Variants in B3GALT1 observed in about 807,000 individuals in gnomAD.
B3GALT1 encodes the protein beta-1,3-galactosyltransferase 1.
B3GALT1 carries 10 observed loss-of-function variants against 23.2 expected under a neutral mutation model. The observed-to-expected ratio is 0.43, with a 90% CI of 0.27 to 0.73. The LOEUF (loss-of-function observed/expected upper bound fraction) is 0.73, where lower values mean the gene tolerates loss of function less well. B3GALT1 is among the 30% of genes least tolerant of loss of function. B3GALT1 has a pLI of 0.21. For synonymous variants in B3GALT1, 156 were observed against 141.5 expected, an observed-to-expected ratio of 1.10 and a Z score of -0.73; for missense variants, 299 against 405.4, an observed-to-expected ratio of 0.74 and a Z score of 2.25.
At chr2:167,531,700 T>A (rs1574122182) in intron 2 of B3GALT1, among the ~76,000 whole-genome samples, 1 of 152,334 alleles carries the variant, frequency 6.6e-6, no homozygotes, top group African/African-American at 2.4e-5. Flanking sequence ...ATGCATATTT[T>A]AACGTGTTAC....
At chr2:167,313,435 CA>C (rs1230668775) in intron 1 of B3GALT1, among the ~76,000 whole-genome samples, 1 of 152,062 alleles carries the variant, frequency 6.6e-6, no homozygotes, top group East Asian at 1.9e-4. Flanking sequence ...TTAATTTAAA[CA>C]TAAAGAGATA....
At chr2:167,714,066 C>T (rs772699561) in intron 3 of B3GALT1, 3 of 1,535,772 alleles carry the variant, frequency 2.0e-6, no homozygotes, top group Non-Finnish European at 1.8e-6. Context: ...CCAGGATCAT[C>T]TTTGGCATCA....
intron 3 of B3GALT1, among the ~76,000 whole-genome samples, chr2:167,661,094 C>T (rs569965495): frequency 2.0e-5 from 3 of 152,176 alleles, no homozygotes; most frequent in Non-Finnish European, 4.4e-5. Context: ...GAGCTTAAAT[C>T]CTTAATACAG....
At chr2:167,707,129 A>T (rs778802149) in intron 3 of B3GALT1, among the ~76,000 whole-genome samples, 11 of 152,168 alleles carry the variant, frequency 7.2e-5, no homozygotes, top group Admixed American at 3.3e-4. Context: ...CAGCTAGTGC[A>T]CACCTTTCAG....
chr2:167,327,427 G>A (rs908042883), intron 1 of B3GALT1, among the ~76,000 whole-genome samples: 3 of 151,840 alleles, frequency 2.0e-5, no homozygotes, highest in Non-Finnish European at 4.4e-5. Flanking sequence ...AGTTTCTTTC[G>A]TCAATGTTTT....
chr2:167,602,464 G>T (rs951690666), intron 2 of B3GALT1, among the ~76,000 whole-genome samples: 1 of 152,176 alleles, frequency 6.6e-6, no homozygotes, highest in South Asian at 2.1e-4. Flanking sequence ...TGACTGCAGA[G>T]TTAGAGACAA....
chr2:167,688,163 C>T (rs1686647602), intron 3 of B3GALT1, among the ~76,000 whole-genome samples: 1 of 152,084 alleles, frequency 6.6e-6, no homozygotes, highest in South Asian at 2.1e-4. Flanking sequence ...AGCTCTCAGT[C>T]CCATTTCTGA....
chr2:167,518,355 C>T (rs375595625), intron 2 of B3GALT1, among the ~76,000 whole-genome samples: 2 of 152,156 alleles, frequency 1.3e-5, no homozygotes, highest in South Asian at 2.1e-4. Context: ...GCAAAAGGCT[C>T]ACAATAATAG....
chr2:167,406,143 C>T (rs1326755707), intron 1 of B3GALT1, among the ~76,000 whole-genome samples: 1 of 151,598 alleles, frequency 6.6e-6, no homozygotes, highest in Non-Finnish European at 1.5e-5. Flanking sequence ...TACTTTATAC[C>T]ATATGCAAAA....
chr2:167,781,085 C>A (rs184741937), intron 3 of B3GALT1, among the ~76,000 whole-genome samples: 192 of 152,278 alleles, frequency 1.3e-3, no homozygotes, highest in South Asian at 2.7e-3. Context: ...TGAGGAAGAA[C>A]ACCCCTCAGA....
At chr2:167,606,921 G>T (rs537105455) in intron 2 of B3GALT1, among the ~76,000 whole-genome samples, 80 of 152,256 alleles carry the variant, frequency 5.3e-4, no homozygotes, top group African/African-American at 1.8e-3. Context: ...TCCTTTAAAA[G>T]CAATGAAGAG....
At chr2:167,586,022 G>A (rs1684578925) in intron 2 of B3GALT1, among the ~76,000 whole-genome samples, 1 of 152,322 alleles carries the variant, frequency 6.6e-6, no homozygotes, top group Admixed American at 6.5e-5. Context: ...GGCAGCACAA[G>A]TCAAGTGTCT....
chr2:167,346,700 AG>A (rs1318862624), intron 1 of B3GALT1, among the ~76,000 whole-genome samples: 6 of 151,058 alleles, frequency 4.0e-5, no homozygotes, highest in Non-Finnish European at 8.8e-5. Context: ...TCACATAAAA[AG>A]TATCAAGTCT....
At chr2:167,620,550 T>C (rs1185624675) in intron 2 of B3GALT1, among the ~76,000 whole-genome samples, 1 of 152,108 alleles carries the variant, frequency 6.6e-6, no homozygotes, top group Non-Finnish European at 1.5e-5. Context: ...AATCTCATAT[T>C]TGCAAATTCA....
intron 2 of B3GALT1, among the ~76,000 whole-genome samples, chr2:167,637,515 GTCC>G (rs1685577124): frequency 6.6e-6 from 1 of 151,964 alleles, no homozygotes; most frequent in South Asian, 2.1e-4. Flanking sequence ...AAGGTTTTAA[GTCC>G]TCTTTTCTAG....
At chr2:167,365,940 T>TGGC (rs1454274044) in intron 1 of B3GALT1, among the ~76,000 whole-genome samples, 1 of 152,220 alleles carries the variant, frequency 6.6e-6, no homozygotes, top group African/African-American at 2.4e-5. Context: ...ATTAAATGAC[T>TGGC]GGCCAAAGGC....
At chr2:167,698,741 A>G (rs2105507585) in intron 3 of B3GALT1, among the ~76,000 whole-genome samples, 1 of 152,340 alleles carries the variant, frequency 6.6e-6, no homozygotes, top group South Asian at 2.1e-4. Flanking sequence ...TTAGAGGATG[A>G]TTATGCACAA....
intron 3 of B3GALT1, chr2:167,714,044 A>G (rs1476667463): frequency 4.2e-5 from 65 of 1,538,076 alleles, no homozygotes; most frequent in Non-Finnish European, 5.8e-5. Context: ...TGAATCAGGC[A>G]CATTTAAATG....
chr2:167,816,757 A>G (rs192790208), intron 3 of B3GALT1, among the ~76,000 whole-genome samples: 84 of 152,344 alleles, frequency 5.5e-4, no homozygotes, highest in African/African-American at 1.9e-3. Context: ...CATTCAGTAC[A>G]TGTTTAAATT....
Sources: gnomAD v4.1 joint callset for allele counts (sites outside exome capture counted in the v4.1 genomes callset) on GRCh38, gnomAD v4.1.1 for gene constraint, MANE v1.5 for transcripts, NCBI Gene and HGNC (gene_info 2026-07-23, HGNC 2026-07-21) for gene names.